MGMT: variants seen among roughly 807,000 people sequenced by gnomAD.
MGMT encodes methylated-DNA--protein-cysteine methyltransferase.
Under a neutral mutation model 15.9 loss-of-function variants are expected in MGMT, and 14 were observed. The observed-to-expected ratio is 0.88, with a 90% CI of 0.58 to 1.37. MGMT has a LOEUF of 1.37. Among genes scored for constraint, MGMT ranks in the 40% most tolerant of loss-of-function variants. The probability of loss-of-function intolerance (pLI) is 0.00; values close to 1 mark genes in which losing one functional copy is unlikely to be tolerated. For synonymous variants in MGMT, 130 were observed against 118.2 expected (o/e 1.10, Z -0.65); for missense variants, 282 against 268.1 (o/e 1.05, Z -0.36).
intron 2 of MGMT, chr10:129,693,907 GA>G (rs10716014): frequency 0.69 from 102,424 of 147,884 alleles, 35,412 homozygotes; most frequent in African/African-American, 0.78. Context: ...CATCTAAAAA[GA>G]AAAAAAAAAA....
At chr10:129,516,551 A>C (rs1393081737) in intron 1 of MGMT, among the ~76,000 whole-genome samples, 1 of 152,232 alleles carries the variant, frequency 6.6e-6, no homozygotes, top group African/African-American at 2.4e-5. Flanking sequence ...ATAGAAGCAG[A>C]ATCAAAACCG....
chr10:129,628,418 T>C (rs1847174166), intron 2 of MGMT, among the ~76,000 whole-genome samples: 2 of 152,312 alleles, frequency 1.3e-5, no homozygotes, highest in African/African-American at 2.4e-5. Flanking sequence ...AAGGTAGGGC[T>C]GGTGGATCGC....
chr10:129,692,661 T>TGGCGTGGGCCC (rs1564763237), intron 2 of MGMT, among the ~76,000 whole-genome samples: 2 of 152,108 alleles, frequency 1.3e-5, no homozygotes, highest in Non-Finnish European at 2.9e-5. Context: ...GGTCCGGGTG[T>TGGCGTGGGCCC]GGCGTGGGCC....
At chr10:129,518,337 T>TACATACACACACACAC (rs1449749251) in intron 1 of MGMT, among the ~76,000 whole-genome samples, 4 of 119,580 alleles carry the variant, frequency 3.3e-5, no homozygotes, top group Non-Finnish European at 5.5e-5. Context: ...TACACACACA[T>TACATACACACACACAC]ACACACACAC....
chr10:129,619,804 T>C (rs1428859936), intron 2 of MGMT, among the ~76,000 whole-genome samples: 1 of 152,232 alleles, frequency 6.6e-6, no homozygotes, highest in Admixed American at 6.5e-5. Context: ...GGGCACGCCA[T>C]GATGATGCTA....
intron 2 of MGMT, among the ~76,000 whole-genome samples, chr10:129,543,965 A>C (rs1846072241): frequency 6.6e-6 from 1 of 152,212 alleles, no homozygotes. Flanking sequence ...TTAGAGTAAC[A>C]GGTAAATGGG....
At chr10:129,565,058 G>A (rs537259463) in intron 2 of MGMT, among the ~76,000 whole-genome samples, 63 of 152,378 alleles carry the variant, frequency 4.1e-4, no homozygotes, top group African/African-American at 1.5e-3. Context: ...CGCACATTCT[G>A]CCGTCTTGGG....
At chr10:129,554,086 A>T (rs533014221) in intron 2 of MGMT, among the ~76,000 whole-genome samples, 1 of 152,216 alleles carries the variant, frequency 6.6e-6, no homozygotes, top group Non-Finnish European at 1.5e-5. Context: ...CGTGCTGCCA[A>T]TGAGAAAGAT....
chr10:129,698,918 A>G (rs1257617120), intron 2 of MGMT, among the ~76,000 whole-genome samples: 1 of 152,236 alleles, frequency 6.6e-6, no homozygotes, highest in Non-Finnish European at 1.5e-5. Context: ...GGTCTCATAC[A>G]TAATGAATTG....
chr10:129,768,071 G>C lies in MGMT; in HGVS notation c.*1074G>C, dbSNP rs190925766. ...ACTGCACCCAGCTGTGCACTAGAGC[G>C]CCATGTTCTTACCCAGCATTCCTTG... is the stretch of plus-strand genomic sequence containing the variant. On this transcript the variant is annotated 3_prime_UTR_variant, in exon 5 of 5. Coordinates refer to ENST00000651593, the MANE Select transcript of MGMT (RefSeq NM_002412.5). The C allele has an allele frequency of 2.0e-5, 3 of 152,226 alleles. No homozygotes were observed. Among genetic ancestry groups the C allele is most frequent in the Non-Finnish European group, 4.4e-5 (3 of 68,048 alleles). The allele number at this position is 152,226 out of a possible 1,614,324, so 9.4% of individuals were successfully genotyped here. A position where few individuals can be genotyped will look rare whatever the true frequency, so the allele number is the denominator to read the frequency against.
chr10:129,555,418 A>G (rs1275417314), intron 2 of MGMT, among the ~76,000 whole-genome samples: 3 of 152,198 alleles, frequency 2.0e-5, no homozygotes, highest in African/African-American at 7.2e-5. Context: ...AAGAAATTGT[A>G]AAGATCCATA....
rs1261392560 is a variant in MGMT, at chr10:129,582,390, G to A, written c.125+46013G>A. 3.3e-5 allele frequency among the ~76,000 whole-genome samples: 5 copies of A among 152,172 alleles called. No individual in the cohort carries two copies. In the South Asian group the frequency reaches 1.0e-3, roughly 32 times the overall value. Reference sequence around the variant, plus strand: ...CCACTGCGCAGTGTTGCTGTGCTCTGCCTCTGACGGGTGGCTGCCAGGCAT... The same window carrying A: ...CCACTGCGCAGTGTTGCTGTGCTCTACCTCTGACGGGTGGCTGCCAGGCAT... On this transcript the variant is annotated intron_variant, in intron 2 of 4. Coordinates refer to ENST00000651593, the MANE Select transcript of MGMT (RefSeq NM_002412.5).
At chr10:129,543,001 G>A (rs915603456) in intron 2 of MGMT, among the ~76,000 whole-genome samples, 7 of 152,334 alleles carry the variant, frequency 4.6e-5, no homozygotes, top group Middle Eastern at 6.8e-3. Flanking sequence ...TTAGAAGCCA[G>A]ACAATGGCCT....
Position 129,728,854 on chromosome 10 carries a change from T to G in MGMT, c.274+20811T>G, listed in dbSNP as rs1358703106. 2.0e-5 allele frequency among the ~76,000 whole-genome samples: 3 copies of G among 151,838 alleles called. No homozygotes were observed. The South Asian group carries it at 6.2e-4, about 32-fold the overall frequency. On this transcript the variant is annotated intron_variant, in intron 3 of 4. Coordinates refer to ENST00000651593, the MANE Select transcript of MGMT (RefSeq NM_002412.5). ...ATCAGCGTCACCAGCATCACAAAGG[T>G]CAGCACGAGGTAGCTGCTCACAGAA...
intron 3 of MGMT, among the ~76,000 whole-genome samples, chr10:129,735,476 G>A (rs146111612): frequency 0.54 from 82,111 of 151,738 alleles, 22,574 homozygotes; most frequent in Middle Eastern, 0.71. Flanking sequence ...TCTTGCTAGC[G>A]GTCTATCAAT....
intron 2 of MGMT, among the ~76,000 whole-genome samples, chr10:129,620,568 A>G (rs1391700096): frequency 3.3e-5 from 5 of 152,240 alleles, no homozygotes. Context: ...TGGCTCCTTA[A>G]CAGTATGAAA....
chr10:129,481,665 G>T (rs1845359506), intron 1 of MGMT, among the ~76,000 whole-genome samples: 1 of 152,050 alleles, frequency 6.6e-6, no homozygotes, highest in Non-Finnish European at 1.5e-5. Flanking sequence ...GACTTTTTGG[G>T]ATTTTGTATT....
intron 2 of MGMT, among the ~76,000 whole-genome samples, chr10:129,542,959 C>A (rs1197893116): frequency 6.6e-6 from 1 of 152,172 alleles, no homozygotes. Flanking sequence ...ATATACTTCA[C>A]CCCATGCTAA....
chr10:129,703,489 C>G (rs959035972), intron 2 of MGMT, among the ~76,000 whole-genome samples: 3 of 152,166 alleles, frequency 2.0e-5, no homozygotes, highest in Non-Finnish European at 4.4e-5. Context: ...ACAGTGTACC[C>G]TCGCTTCCCT....
Sources: allele counts gnomAD v4.1 joint callset (sites outside exome capture counted in the v4.1 genomes callset), GRCh38; gene constraint gnomAD v4.1.1; transcripts MANE v1.5; gene names NCBI Gene and HGNC (gene_info 2026-07-23, HGNC 2026-07-21).